The following MIB1 variants were observed in gnomAD, a reference collection of about 807,000 sequenced individuals.
The protein encoded by MIB1 is E3 ubiquitin-protein ligase MIB1.
In MIB1, 278 loss-of-function variants were observed where a neutral mutation model predicts 124.5. The observed-to-expected ratio is 2.23, with a 90% CI of 2.02 to 2.47. MIB1 has a LOEUF of 2.47. MIB1 is among the 30% of genes most tolerant of loss of function. The pLI, the probability that MIB1 is intolerant of heterozygous loss-of-function variation, is 0.00. For missense variants in MIB1, 957 were observed against 1,254.4 expected (o/e 0.76, Z 3.58); for synonymous variants, 446 against 429.4 (o/e 1.04, Z -0.48).
chr18:21,775,058 G>A lies in MIB1; in HGVS notation c.636+1330G>A, dbSNP rs566650050. 2.6e-5 allele frequency among the ~76,000 whole-genome samples: 4 copies of A among 152,002 alleles called. No homozygotes were observed. The South Asian group carries it at 8.3e-4, about 32-fold the overall frequency. On this transcript the variant is annotated intron_variant, in intron 4 of 20. Coordinates refer to ENST00000261537, the MANE Select transcript of MIB1 (RefSeq NM_020774.4). The stretch of plus-strand genomic sequence containing the variant: ...CCTCCCGGGTTCATGCCATTCTCCT[G>A]CCTCAGCCTTCCTAGTAGCTGGGAC...
At chr18:21,721,165 T>TG (rs1568175871) in intron 1 of MIB1, among the ~76,000 whole-genome samples, 17 of 87,768 alleles carry the variant, frequency 1.9e-4, no homozygotes, top group South Asian at 1.4e-3. Context: ...AGAAGTTTTT[T>TG]TTTTTTTTTT....
At chr18:21,705,024 A>G (rs1449102252) in exon 1 of MIB1, 1 of 178,866 alleles carries the variant, frequency 5.6e-6, no homozygotes, top group African/African-American at 2.4e-5. Flanking sequence ...GAGCTGACGG[A>G]TCGGCAGCGC....
intron 16 of MIB1, 95 bp downstream of exon 16, chr18:21,847,220 A>G (rs550838527): frequency 1.0e-5 from 11 of 1,068,560 alleles, no homozygotes; most frequent in African/African-American, 1.6e-5. Context: ...AAATGTCTTC[A>G]TCTTTGCTCT....
chr18:21,835,404 G>A (rs949294237), intron 12 of MIB1, among the ~76,000 whole-genome samples: 1 of 152,092 alleles, frequency 6.6e-6, no homozygotes, highest in Non-Finnish European at 1.5e-5. Context: ...AGAGGAAAGA[G>A]TCTAGAATGA....
rs111601483 is a variant in MIB1, at chr18:21,778,091, T to C, written c.637-12T>C. On this transcript the variant is annotated splice_polypyrimidine_tract_variant and intron_variant, in intron 4 of 20. Coordinates refer to ENST00000261537, the MANE Select transcript of MIB1 (RefSeq NM_020774.4). ...TTTCATGGGTGATTTTTCTGGTTTC[T>C]TTTCTTCTTAGTCTGATCTGAAATG... is the stretch of plus-strand genomic sequence containing the variant. 1 of 1,606,214 alleles carries C rather than the reference T, an allele frequency of 6.2e-7. No homozygotes were observed. The highest frequency in any genetic ancestry group is 2.2e-5 in the East Asian group (1 of 44,822).
Position 21,870,710 on chromosome 18 carries a change from C to T in MIB1, c.*6044C>T, listed in dbSNP as rs1320877968. 1 of 152,026 alleles carries T rather than the reference C, an allele frequency of 6.6e-6. No homozygotes were observed. Among genetic ancestry groups the T allele is most frequent in the Non-Finnish European group, 1.5e-5 (1 of 67,984 alleles). The allele number at this position is 152,026 out of a possible 1,614,324, so 9.4% of individuals were successfully genotyped here. ...CTTATTTCTGAAGTTATTGAGAGGT[C>T]ATCTAGCTCCAGTTCAAAAGATTAT... On this transcript the variant is annotated 3_prime_UTR_variant, in exon 21 of 21. Coordinates refer to ENST00000261537, the MANE Select transcript of MIB1 (RefSeq NM_020774.4).
rs1483489029 is a variant in MIB1 at position 21,847,025 on chromosome 18, G to A, written c.2293G>A (p.Asp765Asn). Reference protein sequence around the residue: ...IACFLAANGADLSIRNKKGQS... With the variant: ...IACFLAANGANLSIRNKKGQS... ...CTGTTTCTTGGCAGCCAATGGTGCT[G>A]ACCTGAGCATTCGAAATAAGAAGGG... is the stretch of plus-strand genomic sequence containing the variant. Residue 765 changes from aspartate to asparagine, a missense_variant, in exon 16 of 21, where the codon GAC (aspartate) becomes AAC (asparagine). Coordinates refer to ENST00000261537, the MANE Select transcript of MIB1 (RefSeq NM_020774.4). 1.2e-6 allele frequency: 2 copies of A among 1,614,052 alleles called. No individual in the cohort carries two copies. The highest frequency in any genetic ancestry group is 2.7e-5 in the African/African-American group (2 of 74,930).
At chr18:21,799,128 T>C (rs1365474509) in intron 8 of MIB1, among the ~76,000 whole-genome samples, 1 of 152,072 alleles carries the variant, frequency 6.6e-6, no homozygotes, top group Non-Finnish European at 1.5e-5. Context: ...TGGCCCACTT[T>C]GTCATTTGTC....
At chr18:21,753,040 T>C (rs2040992557) in intron 1 of MIB1, among the ~76,000 whole-genome samples, 1 of 152,228 alleles carries the variant, frequency 6.6e-6, no homozygotes, top group East Asian at 1.9e-4. Flanking sequence ...GCCCCCTCCC[T>C]ACCCCAATAC....
intron 1 of MIB1, among the ~76,000 whole-genome samples, chr18:21,730,164 A>G (rs1196726744): frequency 6.6e-6 from 1 of 152,168 alleles, no homozygotes. Flanking sequence ...ACTCTTTTCA[A>G]AGTCATCAGT....
intron 1 of MIB1, among the ~76,000 whole-genome samples, chr18:21,709,045 G>A (rs550785703): frequency 2.6e-4 from 39 of 152,052 alleles, no homozygotes; most frequent in Non-Finnish European, 4.3e-4. Context: ...GGCCGGGCGC[G>A]GTGGCTCACG....
chr18:21,723,304 C>T (rs758495085), intron 1 of MIB1, among the ~76,000 whole-genome samples: 1 of 151,972 alleles, frequency 6.6e-6, no homozygotes, highest in Non-Finnish European at 1.5e-5. Context: ...ACTCCAGGCT[C>T]ATCTTGTATT....
intron 1 of MIB1, among the ~76,000 whole-genome samples, chr18:21,730,576 C>A (rs1048699695): frequency 6.6e-6 from 1 of 151,918 alleles, no homozygotes; most frequent in South Asian, 2.1e-4. Context: ...TAAAAAAAAC[C>A]AACCATACCG....
rs369313882 is a variant in MIB1, at chr18:21,843,135, A to G, written c.1967A>G (p.Asn656Ser). ...ACATTTGTTCTTCTCGTTCAGGGTAATGCAAACCTGGATATCCAGAATGTG... is the reference window on the plus strand; with the variant it reads ...ACATTTGTTCTTCTCGTTCAGGGTAGTGCAAACCTGGATATCCAGAATGTG... Reference protein sequence around the residue: ...EVAELLVHQGNANLDIQNVNQ... With the variant: ...EVAELLVHQGSANLDIQNVNQ... The change falls in exon 14 of 21, where the codon AAT becomes AGT. Residue 656 changes from asparagine (N) to serine (S), a missense_variant. Coordinates refer to ENST00000261537, the MANE Select transcript of MIB1 (RefSeq NM_020774.4). 2.5e-6 allele frequency: 4 copies of G among 1,602,704 alleles called. No homozygotes were observed. The African/African-American group carries it at 4.0e-5, about 16-fold the overall frequency.
intron 6 of MIB1, among the ~76,000 whole-genome samples, chr18:21,788,502 G>A (rs1283157223): frequency 2.0e-5 from 3 of 152,168 alleles, no homozygotes; most frequent in African/African-American, 7.2e-5. Flanking sequence ...AAAAACCACA[G>A]CTAACATCAT....
chr18:21,810,245 A>T (rs56144312), intron 10 of MIB1, among the ~76,000 whole-genome samples: 1 of 152,120 alleles, frequency 6.6e-6, no homozygotes, highest in South Asian at 2.1e-4. Context: ...AAATTAAAGA[A>T]GACAGATAAC....
intron 20 of MIB1, among the ~76,000 whole-genome samples, chr18:21,861,690 A>T (rs2042278324): frequency 6.6e-6 from 1 of 151,822 alleles, no homozygotes; most frequent in Non-Finnish European, 1.5e-5. Flanking sequence ...ACATTCGAAT[A>T]ACTCTGCTCA....
At chr18:21,766,269 AATTG>A (rs1479869761) in intron 2 of MIB1, among the ~76,000 whole-genome samples, 7 of 152,218 alleles carry the variant, frequency 4.6e-5, no homozygotes, top group African/African-American at 1.7e-4. Flanking sequence ...CTAGTCTGTT[AATTG>A]ATATCAGATG....
Position 21,847,078 on chromosome 18 carries a change from T to A in MIB1, c.2346T>A (p.Asp782Glu). 1 of 1,614,188 alleles carries A rather than the reference T, an allele frequency of 6.2e-7. No individual in the cohort carries two copies. Among genetic ancestry groups the A allele is most frequent in the Non-Finnish European group, 8.5e-7 (1 of 1,180,022 alleles). The change falls in exon 16 of 21, where the codon GAT (aspartate) becomes GAA (glutamate). Residue 782 changes from aspartate to glutamate, a missense_variant. Transcript: ENST00000261537. ...KGQSPLDLCP[D>E]PNLCKALAKC... Reference sequence around the variant, plus strand: ...AATCGCCACTTGATCTCTGTCCTGATCCGAATCTCTGCAAAGCACTGGCAA... The same window carrying A: ...AATCGCCACTTGATCTCTGTCCTGAACCGAATCTCTGCAAAGCACTGGCAA...
Sources: gnomAD v4.1 joint callset for allele counts (sites outside exome capture counted in the v4.1 genomes callset) on GRCh38, gnomAD v4.1.1 for gene constraint, MANE v1.5 for transcripts, NCBI Gene and HGNC (gene_info 2026-07-23, HGNC 2026-07-21) for gene names.